The following PPP2R2B variants were observed in gnomAD, a reference collection of about 807,000 sequenced individuals.
PPP2R2B encodes the protein serine/threonine-protein phosphatase 2A 55 kDa regulatory subunit B beta isoform.
A neutral mutation model predicts 46.0 loss-of-function variants in PPP2R2B; 5 were observed. That is an observed-to-expected ratio of 0.11 (90% CI 0.06 to 0.23). PPP2R2B has a LOEUF of 0.23. Among genes scored for constraint, PPP2R2B ranks in the 10% least tolerant of loss-of-function variants. The pLI, the probability that PPP2R2B is intolerant of heterozygous loss-of-function variation, is 1.00. For missense variants in PPP2R2B, 367 were observed against 575.0 expected (o/e 0.64, Z 3.70); for synonymous variants, 215 against 206.7 (o/e 1.04, Z -0.34).
At chr5:146,787,952 A>T (rs1755947615) in intron 2 of PPP2R2B, among the ~76,000 whole-genome samples, 1 of 152,092 alleles carries the variant, frequency 6.6e-6, no homozygotes, top group Admixed American at 6.5e-5. Flanking sequence ...TTGGCTTTTA[A>T]ATTTCTCTGT....
rs61445378 is a variant in PPP2R2B, at chr5:146,641,503, A to AT, written c.626-3089dup. On this transcript the variant is annotated intron_variant, in intron 6 of 9. Coordinates refer to ENST00000394411, the MANE Select transcript of PPP2R2B (RefSeq NM_181675.4). ...AATCAGAATTTTTATGTGCTCTAAGATTTTTTTTTTTTTTTTTTTTTTTTT... is the reference window on the plus strand; with the variant it reads ...AATCAGAATTTTTATGTGCTCTAAGATTTTTTTTTTTTTTTTTTTTTTTTTT... 7.3e-3 allele frequency among the ~76,000 whole-genome samples: 935 copies of AT among 128,480 alleles called. 20 individuals carry two copies. The highest frequency in any genetic ancestry group is 0.023 in the African/African-American group (737 of 31,602). The allele number at this position is 128,480 out of a possible 152,430, so 84.3% of individuals were successfully genotyped here.
At position 147,063,385 on chromosome 5, in the gene PPP2R2B, T is replaced by A. The variant is rs141959872; in HGVS notation, c.50+17674A>T. ...TATTTATTATAAGTTAATGGAATTA[T>A]AAAACATATTTTAAATATATAAAGC... On this transcript the variant is annotated intron_variant, in intron 2 of 10. Transcript: ENST00000394413. Among the ~76,000 whole-genome samples, 273 of 152,324 alleles carry A rather than the reference T, an allele frequency of 1.8e-3. 2 individuals carry two copies. Among genetic ancestry groups the A allele is most frequent in the African/African-American group, 6.2e-3 (257 of 41,580 alleles).
intron 2 of PPP2R2B, among the ~76,000 whole-genome samples, chr5:146,748,258 T>A (rs899442676): frequency 1.3e-5 from 2 of 152,214 alleles, no homozygotes; most frequent in Admixed American, 6.5e-5. Flanking sequence ...CTTGTACTTT[T>A]TTTTTTAGAA....
At chr5:146,747,660 C>T (rs1283781827) in intron 2 of PPP2R2B, among the ~76,000 whole-genome samples, 2 of 152,160 alleles carry the variant, frequency 1.3e-5, no homozygotes, top group Non-Finnish European at 2.9e-5. Context: ...TGACAGTATT[C>T]AATCTGATTC....
At chr5:146,836,908 C>T (rs1759319448) in intron 2 of PPP2R2B, among the ~76,000 whole-genome samples, 1 of 152,190 alleles carries the variant, frequency 6.6e-6, no homozygotes, top group Non-Finnish European at 1.5e-5. Flanking sequence ...GTTCCTAATA[C>T]CTCAGAAAAC....
At chr5:146,862,206 A>G (rs1761047988) in intron 2 of PPP2R2B, among the ~76,000 whole-genome samples, 1 of 152,140 alleles carries the variant, frequency 6.6e-6, no homozygotes, top group African/African-American at 2.4e-5. Context: ...GCAAGTCTAA[A>G]CTCCCAAGAA....
chr5:146,888,991 G>T (rs1762412550), intron 1 of PPP2R2B, among the ~76,000 whole-genome samples: 1 of 152,078 alleles, frequency 6.6e-6, no homozygotes, highest in South Asian at 2.1e-4. Flanking sequence ...TTTGGTTTTG[G>T]TTATTACAGC....
At chr5:146,786,594 G>A (rs146020054) in intron 2 of PPP2R2B, among the ~76,000 whole-genome samples, 95 of 152,190 alleles carry the variant, frequency 6.2e-4, no homozygotes, top group African/African-American at 2.1e-3. Context: ...TGCTTTCTCC[G>A]AGCTCTTAAT....
intron 1 of PPP2R2B, among the ~76,000 whole-genome samples, chr5:146,923,418 G>A (rs1394754840): frequency 1.3e-5 from 2 of 152,196 alleles, no homozygotes; most frequent in African/African-American, 4.8e-5. Flanking sequence ...CGAGTGAACT[G>A]TGTTCGAGTT....
chr5:146,877,144 A>G (rs1761941240), intron 2 of PPP2R2B, among the ~76,000 whole-genome samples: 1 of 150,460 alleles, frequency 6.6e-6, no homozygotes, highest in Non-Finnish European at 1.5e-5. Flanking sequence ...GGGGAAAAAA[A>G]TGCCTCTACT....
intron 7 of PPP2R2B, among the ~76,000 whole-genome samples, chr5:146,635,267 C>G (rs984338739): frequency 3.3e-5 from 5 of 150,966 alleles, no homozygotes; most frequent in Non-Finnish European, 5.9e-5. Flanking sequence ...CTAAATCACT[C>G]TAGTTTTTTT....
intron 1 of PPP2R2B, among the ~76,000 whole-genome samples, chr5:146,886,374 A>AT (rs1762327180): frequency 1.3e-5 from 2 of 151,366 alleles, no homozygotes; most frequent in Non-Finnish European, 2.9e-5. Flanking sequence ...TAAATAATAA[A>AT]ACTAAAATAA....
intron 7 of PPP2R2B, among the ~76,000 whole-genome samples, chr5:146,623,959 G>A (rs925693921): frequency 2.0e-5 from 3 of 152,094 alleles, no homozygotes; most frequent in Admixed American, 6.6e-5. Context: ...TGAATTAACC[G>A]ATATACTTAA....
intron 7 of PPP2R2B, among the ~76,000 whole-genome samples, chr5:146,604,062 C>T (rs1203903783): frequency 6.6e-6 from 1 of 152,148 alleles, no homozygotes; most frequent in Admixed American, 6.5e-5. Flanking sequence ...GTACCAAATG[C>T]TAAAGACACA....
At chr5:146,670,822 G>A (rs1328977658) in intron 5 of PPP2R2B, among the ~76,000 whole-genome samples, 1 of 151,980 alleles carries the variant, frequency 6.6e-6, no homozygotes, top group African/African-American at 2.4e-5. Flanking sequence ...AAACTGATTT[G>A]CTTTTAGTTA....
chr5:146,588,711 C>G lies in PPP2R2B; in HGVS notation c.*1236G>C, dbSNP rs1770306335. On this transcript the variant is annotated 3_prime_UTR_variant, in exon 10 of 10. Coordinates refer to ENST00000394411, the MANE Select transcript of PPP2R2B (RefSeq NM_181675.4). ...GGGGAAAAGGATGAACCATCTTCCA[C>G]AGCTTCAAGTGGACTTCATTCACTT... 1 of 151,072 alleles carries G rather than the reference C, an allele frequency of 6.6e-6. No individual in the cohort carries two copies. The highest frequency in any genetic ancestry group is 2.5e-5 in the African/African-American group (1 of 40,368). The allele number at this position is 151,072 out of a possible 1,614,324, so 9.4% of individuals were successfully genotyped here.
chr5:146,784,936 C>G (rs992688568), intron 2 of PPP2R2B, among the ~76,000 whole-genome samples: 4 of 152,086 alleles, frequency 2.6e-5, no homozygotes, highest in African/African-American at 9.7e-5. Context: ...GGAGTATCAA[C>G]TTTTGGAATA....
intron 5 of PPP2R2B, among the ~76,000 whole-genome samples, chr5:146,682,592 C>T (rs181776217): frequency 6.6e-6 from 1 of 152,132 alleles, no homozygotes; most frequent in Non-Finnish European, 1.5e-5. Context: ...ATGGGAATAA[C>T]AGTAGTACCC....
chr5:146,724,173 T>A (rs994251021), intron 2 of PPP2R2B, among the ~76,000 whole-genome samples: 1 of 152,178 alleles, frequency 6.6e-6, no homozygotes, highest in African/African-American at 2.4e-5. Context: ...AATGAAAACA[T>A]AGTGGTGTTA....
Sources: allele counts gnomAD v4.1 joint callset (sites outside exome capture counted in the v4.1 genomes callset), GRCh38; gene constraint gnomAD v4.1.1; transcripts MANE v1.5; gene names NCBI Gene and HGNC (gene_info 2026-07-23, HGNC 2026-07-21).